CFAP221: variants seen among roughly 807,000 people sequenced by gnomAD.
CFAP221 encodes the protein cilia and flagella associated protein 221.
In CFAP221, 97 loss-of-function variants were observed where a neutral mutation model predicts 113.1. The ratio of observed to expected loss-of-function variants is 0.86; its 90% CI spans 0.73 to 1.02. The LOEUF (loss-of-function observed/expected upper bound fraction) is 1.02, where lower values mean the gene tolerates loss of function less well. Ranked by LOEUF, CFAP221 falls within the 50% of genes least tolerant of loss-of-function variation. The pLI is 0.00. For missense variants in CFAP221, 1,025 were observed against 1,013.4 expected (o/e 1.01, Z -0.16); for synonymous variants, 331 against 354.4 (o/e 0.93, Z 0.74).
At chr2:119,653,866 T>C (rs1688272820) in intron 23 of CFAP221, among the ~76,000 whole-genome samples, 1 of 152,232 alleles carries the variant, frequency 6.6e-6, no homozygotes, top group Non-Finnish European at 1.5e-5. Context: ...ACCATCTCAT[T>C]ATTTTAATTC....
chr2:119,571,894 A>T (rs1682085285), intron 6 of CFAP221, among the ~76,000 whole-genome samples: 1 of 152,232 alleles, frequency 6.6e-6, no homozygotes, highest in South Asian at 2.1e-4. Flanking sequence ...ATTGGGACAG[A>T]ATTGTCAGAG....
intron 16 of CFAP221, 32 bp downstream of exon 16, chr2:119,627,818 G>A: frequency 6.2e-7 from 1 of 1,611,196 alleles, no homozygotes; most frequent in Non-Finnish European, 8.5e-7. Flanking sequence ...GGCGGGGAGT[G>A]GACATGATCA....
intron 22 of CFAP221, among the ~76,000 whole-genome samples, chr2:119,649,009 A>G (rs1466239439): frequency 6.6e-6 from 1 of 152,184 alleles, no homozygotes; most frequent in Admixed American, 6.5e-5. Context: ...CTGGTACTGC[A>G]TTGCCTTGAA....
chr2:119,604,447 T>C (rs1196944118), intron 8 of CFAP221, among the ~76,000 whole-genome samples: 1 of 151,492 alleles, frequency 6.6e-6, no homozygotes, highest in Non-Finnish European at 1.5e-5. Context: ...AAAAAGAATG[T>C]AAGGCAAAAA....
chr2:119,556,796 C>T (rs917561668), intron 3 of CFAP221, among the ~76,000 whole-genome samples: 3 of 152,132 alleles, frequency 2.0e-5, no homozygotes, highest in Admixed American at 2.0e-4. Flanking sequence ...AGGTGATCCA[C>T]CTGCCTTGAC....
intron 14 of CFAP221, 30 bp downstream of exon 14, chr2:119,615,739 A>G (rs752502087): frequency 1.4e-5 from 22 of 1,525,984 alleles, no homozygotes; most frequent in Non-Finnish European, 1.8e-5. Context: ...GGAAATGTTG[A>G]TTTGTTTACT....
At chr2:119,639,353 C>G (rs911838871) in intron 20 of CFAP221, among the ~76,000 whole-genome samples, 1 of 152,216 alleles carries the variant, frequency 6.6e-6, no homozygotes, top group Non-Finnish European at 1.5e-5. Context: ...GCACCCTGCA[C>G]TCAGCCCAGC....
intron 13 of CFAP221, among the ~76,000 whole-genome samples, chr2:119,614,200 T>G (rs576182469): frequency 3.9e-5 from 6 of 152,362 alleles, no homozygotes; most frequent in African/African-American, 1.4e-4. Context: ...ATCAGCATTT[T>G]GGGCAAAGCC....
chr2:119,625,345 T>C (rs1435557128), intron 14 of CFAP221, among the ~76,000 whole-genome samples: 1 of 152,078 alleles, frequency 6.6e-6, no homozygotes, highest in East Asian at 1.9e-4. Flanking sequence ...ATAAATTGAG[T>C]GGGACAAGGC....
chr2:119,635,616 T>C (rs1373823524), intron 19 of CFAP221, among the ~76,000 whole-genome samples: 1 of 152,188 alleles, frequency 6.6e-6, no homozygotes, highest in East Asian at 1.9e-4. Context: ...ATGACGGCAA[T>C]GGTTTTGCAG....
chr2:119,648,842 A>G (rs1174312797), intron 22 of CFAP221, among the ~76,000 whole-genome samples: 1 of 152,186 alleles, frequency 6.6e-6, no homozygotes, highest in Non-Finnish European at 1.5e-5. Flanking sequence ...TAGCTGCTTT[A>G]CCAAAAGCCA....
downstream of CFAP221, among the ~76,000 whole-genome samples, chr2:119,659,702 G>A (rs537723663): frequency 1.6e-4 from 8 of 49,012 alleles, no homozygotes; most frequent in South Asian, 3.3e-3. Flanking sequence ...AGCAGTTTCC[G>A]AAGCATAACC....
intron 6 of CFAP221, chr2:119,580,641 A>G (rs920738824): frequency 6.6e-6 from 1 of 152,152 alleles, no homozygotes; most frequent in Non-Finnish European, 1.5e-5. Context: ...CTAGTTAGTG[A>G]CAAACAAAAT....
At chr2:119,653,895 T>G (rs1340957170) in intron 23 of CFAP221, among the ~76,000 whole-genome samples, 1 of 152,240 alleles carries the variant, frequency 6.6e-6, no homozygotes, top group East Asian at 1.9e-4. Context: ...CAAGTTATAC[T>G]AAAAACTTAT....
At chr2:119,622,736 T>C (rs2104737394) in intron 14 of CFAP221, among the ~76,000 whole-genome samples, 1 of 152,270 alleles carries the variant, frequency 6.6e-6, no homozygotes, top group East Asian at 1.9e-4. Flanking sequence ...ATAAACATAA[T>C]CCATCACATA....
chr2:119,558,530 A>T (rs890708397), intron 3 of CFAP221, among the ~76,000 whole-genome samples: 31 of 152,218 alleles, frequency 2.0e-4, no homozygotes, highest in African/African-American at 7.2e-4. Flanking sequence ...TTTTAAACAC[A>T]TGCATGACCA....
Position 119,604,666 on chromosome 2 carries a change from C to T in CFAP221, c.792-6C>T. On this transcript the variant is annotated splice_polypyrimidine_tract_variant and splice_region_variant and intron_variant, in intron 8 of 23. Transcript: ENST00000413369. ...TTACTAATTTAACACTTGTTTTAACCTATAGATTAGAAGAGTTTGAAAGGT... is the reference window on the plus strand; with the variant it reads ...TTACTAATTTAACACTTGTTTTAACTTATAGATTAGAAGAGTTTGAAAGGT... 1.3e-6 allele frequency: 2 copies of T among 1,543,546 alleles called. No individual in the cohort carries two copies. The highest frequency in any genetic ancestry group is 1.7e-6 in the Non-Finnish European group (2 of 1,153,364).
chr2:119,560,294 A>G (rs1392919884), intron 5 of CFAP221, among the ~76,000 whole-genome samples: 3 of 152,196 alleles, frequency 2.0e-5, no homozygotes, highest in Admixed American at 1.3e-4. Flanking sequence ...CCCTGTGCCT[A>G]AAGCTTCATC....
chr2:119,592,074 C>T (rs1309751825), intron 7 of CFAP221, among the ~76,000 whole-genome samples: 2 of 151,964 alleles, frequency 1.3e-5, no homozygotes, highest in Non-Finnish European at 2.9e-5. Flanking sequence ...AGAATCTCAT[C>T]ACTCCAGAAA....
Sources: allele counts gnomAD v4.1 joint callset (sites outside exome capture counted in the v4.1 genomes callset), GRCh38; gene constraint gnomAD v4.1.1; transcripts MANE v1.5; gene names NCBI Gene and HGNC (gene_info 2026-07-23, HGNC 2026-07-21).